Variants in MED13L observed in about 807,000 individuals in gnomAD.
MED13L encodes mediator of RNA polymerase II transcription subunit 13-like.
A neutral mutation model predicts 220.9 loss-of-function variants in MED13L; 7 were observed. The ratio of observed to expected loss-of-function variants is 0.03; its 90% CI spans 0.02 to 0.06. The LOEUF (loss-of-function observed/expected upper bound fraction) is 0.06, where lower values mean the gene tolerates loss of function less well. Ranked by LOEUF, MED13L falls within the 10% of genes least tolerant of loss-of-function variation. MED13L has a pLI of 1.00. For missense variants in MED13L, 1,965 were observed against 2,760.5 expected (o/e 0.71, Z 6.46); for synonymous variants, 1,011 against 1,015.2 (o/e 1.00, Z 0.08).
chr12:116,268,695 CAAT>C (rs767053331), intron 1 of MED13L, among the ~76,000 whole-genome samples: 22 of 151,896 alleles, frequency 1.4e-4, no homozygotes, highest in Admixed American at 3.3e-4. Flanking sequence ...GAAAAGATCA[CAAT>C]AATTCTTATT....
chr12:116,031,770 AGG>A (rs1880851005), intron 4 of MED13L, among the ~76,000 whole-genome samples: 1 of 144,714 alleles, frequency 6.9e-6, no homozygotes, highest in South Asian at 2.3e-4. Flanking sequence ...GAAGGAAGGA[AGG>A]AAGGAAGGAA....
intron 2 of MED13L, among the ~76,000 whole-genome samples, chr12:116,187,949 A>G (rs979485699): frequency 5.9e-5 from 9 of 152,042 alleles, no homozygotes; most frequent in African/African-American, 2.2e-4. Context: ...CACAGCAAGA[A>G]GGTAGGGTTG....
At chr12:115,971,155 T>G (rs532227417) in intron 26 of MED13L, among the ~76,000 whole-genome samples, 1 of 152,330 alleles carries the variant, frequency 6.6e-6, no homozygotes, top group East Asian at 1.9e-4. Context: ...CAATACATGT[T>G]ATAACACTTA....
chr12:116,106,473 T>C (rs868351285), intron 3 of MED13L, among the ~76,000 whole-genome samples: 14 of 152,308 alleles, frequency 9.2e-5, no homozygotes, highest in African/African-American at 3.1e-4. Flanking sequence ...GACTTTCTAA[T>C]ACTAAGCACT....
chr12:116,266,109 A>T (rs1872809993), intron 1 of MED13L, among the ~76,000 whole-genome samples: 1 of 152,226 alleles, frequency 6.6e-6, no homozygotes, highest in Non-Finnish European at 1.5e-5. Flanking sequence ...TACATGTCTC[A>T]AATTTCTCAA....
At chr12:116,040,792 C>T (rs1881476985) in intron 4 of MED13L, among the ~76,000 whole-genome samples, 1 of 145,668 alleles carries the variant, frequency 6.9e-6, no homozygotes, top group South Asian at 2.2e-4. Flanking sequence ...GTTTAGGAGT[C>T]CTCAAAAAAA....
intron 28 of MED13L, 69 bp from the exon 29 acceptor site, chr12:115,966,312 G>A (rs1250907038): frequency 6.4e-7 from 1 of 1,559,162 alleles, no homozygotes; most frequent in Admixed American, 1.7e-5. Flanking sequence ...ACTTTCATCA[G>A]TTCACTCTGC....
At chr12:116,244,114 T>C (rs1247503979) in intron 1 of MED13L, among the ~76,000 whole-genome samples, 1 of 152,220 alleles carries the variant, frequency 6.6e-6, no homozygotes, top group African/African-American at 2.4e-5. Context: ...AAGGCAGCTG[T>C]GATCATTTGA....
At chr12:116,103,066 G>A (rs1873230385) in intron 3 of MED13L, among the ~76,000 whole-genome samples, 1 of 152,044 alleles carries the variant, frequency 6.6e-6, no homozygotes, top group South Asian at 2.1e-4. Flanking sequence ...AGTGGATACA[G>A]TCTCCTCTTG....
At chr12:116,007,661 A>AAAAAAAAAAC in intron 10 of MED13L, 25 bp from the exon 11 acceptor site, 1 of 1,573,060 alleles carries the variant, frequency 6.4e-7, no homozygotes, top group East Asian at 2.2e-5. Flanking sequence ...AAAAAAAAAA[A>AAAAAAAAAAC]AAAAGAGCAT....
chr12:116,277,191 G>A lies in MED13L; in HGVS notation c.-60C>T. 2.5e-6 allele frequency: 3 copies of A among 1,214,268 alleles called. No individual in the cohort carries two copies. The highest frequency in any genetic ancestry group is 3.2e-6 in the Non-Finnish European group (3 of 933,940). The allele number at this position is 1,214,268 out of a possible 1,614,324, so 75.2% of individuals were successfully genotyped here. A position where few individuals can be genotyped will look rare whatever the true frequency, so the allele number is the denominator to read the frequency against. ...TGTCGGAGCGAGGCGTCCGAGGCGA[G>A]GCCGGGCCGGGCGGCGGCGCCTCGC... On this transcript the variant is annotated 5_prime_UTR_variant, in exon 1 of 31. Transcript: ENST00000281928.
intron 4 of MED13L, among the ~76,000 whole-genome samples, chr12:116,060,318 C>T (rs1209843146): frequency 1.3e-5 from 2 of 151,962 alleles, no homozygotes; most frequent in Admixed American, 1.3e-4. Context: ...TAACTCACGC[C>T]GGTAATACTA....
chr12:116,060,872 T>C (rs1279430901), intron 4 of MED13L, among the ~76,000 whole-genome samples: 1 of 152,022 alleles, frequency 6.6e-6, no homozygotes, highest in African/African-American at 2.4e-5. Context: ...TAAAGATAAA[T>C]GGAAGTGAAA....
In MED13L at chr12:116,277,559, G is replaced by T. The variant is rs961612941; in HGVS notation, c.-428C>A. 6.7e-6 allele frequency among the ~76,000 whole-genome samples: 1 copy of T among 149,474 alleles called. No individual in the cohort carries two copies. The highest frequency in any genetic ancestry group is 2.4e-5 in the African/African-American group (1 of 41,142). The stretch of plus-strand genomic sequence containing the variant: ...CGGAGCGCGAACTCGCGAAGGGGGG[G>T]GTGCGGACGAAGCCAGCGGGCGACC... On this transcript the variant is annotated 5_prime_UTR_variant, in exon 1 of 31. Coordinates refer to ENST00000281928, the MANE Select transcript of MED13L (RefSeq NM_015335.5).
chr12:116,160,302 T>G (rs1878759573), intron 2 of MED13L, among the ~76,000 whole-genome samples: 1 of 151,594 alleles, frequency 6.6e-6, no homozygotes, highest in Non-Finnish European at 1.5e-5. Context: ...ACTGCTATTT[T>G]TGTTGTTGTT....
intron 2 of MED13L, 43 bp from the exon 3 acceptor site, chr12:116,111,555 A>G (rs775830967): frequency 2.8e-5 from 41 of 1,450,052 alleles, no homozygotes; most frequent in Non-Finnish European, 3.8e-5. Flanking sequence ...ACCAGTAAAA[A>G]GGACATCCAA....
chr12:116,107,398 T>C (rs961018951), intron 3 of MED13L, among the ~76,000 whole-genome samples: 9 of 152,204 alleles, frequency 5.9e-5, no homozygotes, highest in African/African-American at 7.2e-5. Flanking sequence ...CACATTACCA[T>C]AGAATTTAAA....
chr12:115,994,464 A>C (rs950822423), intron 16 of MED13L, among the ~76,000 whole-genome samples: 1 of 152,054 alleles, frequency 6.6e-6, no homozygotes, highest in Non-Finnish European at 1.5e-5. Context: ...AAACCCCCCC[A>C]AAAAACAAAA....
intron 2 of MED13L, among the ~76,000 whole-genome samples, chr12:116,120,365 T>C (rs1341706181): frequency 6.6e-6 from 1 of 152,004 alleles, no homozygotes; most frequent in Non-Finnish European, 1.5e-5. Flanking sequence ...AATTAATGTG[T>C]TCTAGTTACA....
Sources: allele counts gnomAD v4.1 joint callset (sites outside exome capture counted in the v4.1 genomes callset), GRCh38; gene constraint gnomAD v4.1.1; transcripts MANE v1.5; gene names NCBI Gene and HGNC (gene_info 2026-07-23, HGNC 2026-07-21).